Variants in RBFOX1 observed in about 807,000 individuals in gnomAD.
The protein encoded by RBFOX1 is RNA binding protein fox-1 homolog 1.
RBFOX1 carries 8 observed loss-of-function variants against 57.7 expected under a neutral mutation model. That is an observed-to-expected ratio of 0.14 (90% CI 0.08 to 0.25). The LOEUF (loss-of-function observed/expected upper bound fraction) is 0.25. Ranked by LOEUF, RBFOX1 falls within the 10% of genes least tolerant of loss-of-function variation. The pLI is 1.00. For missense variants in RBFOX1, 611 were observed against 548.5 expected, an observed-to-expected ratio of 1.11 and a Z score of -1.14; for synonymous variants, 326 against 222.4, an observed-to-expected ratio of 1.47 and a Z score of -4.15.
At chr16:6,940,149 G>C (rs930339491) in intron 3 of RBFOX1, among the ~76,000 whole-genome samples, 1 of 151,994 alleles carries the variant, frequency 6.6e-6, no homozygotes, top group African/African-American at 2.4e-5. Context: ...CCAAGATCAC[G>C]CTGCTCCACT....
chr16:6,203,338 C>A (rs965276040), intron 1 of RBFOX1, among the ~76,000 whole-genome samples: 1 of 152,114 alleles, frequency 6.6e-6, no homozygotes, highest in African/African-American at 2.4e-5. Context: ...ATAATGGGAT[C>A]ATGTAGTATT....
At chr16:6,833,541 A>G (rs898180850) in intron 3 of RBFOX1, among the ~76,000 whole-genome samples, 2 of 152,104 alleles carry the variant, frequency 1.3e-5, no homozygotes, top group Admixed American at 6.5e-5. Context: ...CAGCCTGGCC[A>G]GCTACTCTCT....
intron 4 of RBFOX1, among the ~76,000 whole-genome samples, chr16:5,918,562 C>T (rs927684798): frequency 1.3e-5 from 2 of 152,232 alleles, no homozygotes; most frequent in African/African-American, 4.8e-5. Context: ...AGAGCCCTCA[C>T]TATCTATAAC....
chr16:6,415,839 C>A (rs989554666), intron 2 of RBFOX1, among the ~76,000 whole-genome samples: 1 of 152,216 alleles, frequency 6.6e-6, no homozygotes, highest in Non-Finnish European at 1.5e-5. Context: ...AACGTAGGGA[C>A]TTCGAAGTCT....
chr16:6,812,076 A>G (rs1452501152), intron 3 of RBFOX1, among the ~76,000 whole-genome samples: 1 of 152,032 alleles, frequency 6.6e-6, no homozygotes, highest in African/African-American at 2.4e-5. Context: ...ATAAAGTTGT[A>G]TTATCAGACT....
rs573362555 is a variant in RBFOX1 at position 7,507,464 on chromosome 16, C to T, written c.28-10683C>T. ...GATTGTGTATCAGAACTATCTGGGGCAACTTTTGACAGTGCCCATCCCTGG... is the reference window on the plus strand; with the variant it reads ...GATTGTGTATCAGAACTATCTGGGGTAACTTTTGACAGTGCCCATCCCTGG... On this transcript the variant is annotated intron_variant, in intron 4 of 15. Coordinates refer to ENST00000550418, the MANE Select transcript of RBFOX1 (RefSeq NM_018723.4). Among the ~76,000 whole-genome samples the T allele has an allele frequency of 2.6e-5, 4 of 152,026 alleles. No homozygotes were observed. The East Asian group carries it at 7.7e-4, about 29-fold the overall frequency.
At chr16:7,183,868 A>C (rs1279891580) in intron 4 of RBFOX1, among the ~76,000 whole-genome samples, 1 of 152,204 alleles carries the variant, frequency 6.6e-6, no homozygotes, top group Non-Finnish European at 1.5e-5. Context: ...CTCTGCCCTC[A>C]TGGAACCACC....
intron 2 of RBFOX1, among the ~76,000 whole-genome samples, chr16:5,591,296 G>T (rs548951620): frequency 5.2e-4 from 77 of 148,392 alleles, no homozygotes; most frequent in Middle Eastern, 3.6e-3. Context: ...TTGTTACCCA[G>T]GCTGGAGTGC....
At chr16:6,781,468 C>A (rs533697619) in intron 3 of RBFOX1, among the ~76,000 whole-genome samples, 7 of 151,964 alleles carry the variant, frequency 4.6e-5, no homozygotes, top group Non-Finnish European at 8.8e-5. Context: ...ATTGTCTACT[C>A]CTTGATTTTT....
At chr16:5,342,094 C>T (rs754990858) in intron 1 of RBFOX1, among the ~76,000 whole-genome samples, 4 of 152,142 alleles carry the variant, frequency 2.6e-5, no homozygotes, top group Non-Finnish European at 5.9e-5. Flanking sequence ...TCAGAGTTTG[C>T]GGCAGATCGT....
intron 4 of RBFOX1, among the ~76,000 whole-genome samples, chr16:5,968,493 G>T (rs1231172555): frequency 6.6e-6 from 1 of 151,986 alleles, no homozygotes; most frequent in Non-Finnish European, 1.5e-5. Context: ...AGAACACGTG[G>T]GTCACTTTAT....
chr16:6,607,578 C>CCTCTCTCCCTCCT (rs2097957074), intron 2 of RBFOX1, among the ~76,000 whole-genome samples: 1 of 148,510 alleles, frequency 6.7e-6, no homozygotes. Flanking sequence ...CTCTCTCCGT[C>CCTCTCTCCCTCCT]CTGTCTCCCT....
chr16:5,748,733 C>T (rs2053078817), intron 3 of RBFOX1, among the ~76,000 whole-genome samples: 1 of 152,146 alleles, frequency 6.6e-6, no homozygotes. Context: ...GTAGATCTTC[C>T]TCCATCCCTT....
intron 1 of RBFOX1, among the ~76,000 whole-genome samples, chr16:5,243,797 A>G (rs1162329502): frequency 6.6e-6 from 1 of 152,182 alleles, no homozygotes; most frequent in African/African-American, 2.4e-5. Context: ...TTTCTCATCT[A>G]TAAAATGGAG....
chr16:6,676,516 A>T (rs1446257804), intron 3 of RBFOX1, among the ~76,000 whole-genome samples: 7 of 152,112 alleles, frequency 4.6e-5, no homozygotes, highest in Admixed American at 4.6e-4. Flanking sequence ...TGACTTGATC[A>T]TTACACATTC....
intron 3 of RBFOX1, among the ~76,000 whole-genome samples, chr16:5,744,930 G>A (rs186038454): frequency 2.6e-5 from 4 of 151,976 alleles, no homozygotes; most frequent in Admixed American, 2.0e-4. Context: ...GCACTGCCAC[G>A]CCTGGCTAAT....
intron 5 of RBFOX1, among the ~76,000 whole-genome samples, chr16:7,520,146 A>G (rs1030788376): frequency 6.6e-5 from 10 of 152,092 alleles, no homozygotes; most frequent in African/African-American, 2.4e-4. Context: ...CGGCCTCCCA[A>G]AGTGCTGGGA....
intron 4 of RBFOX1, among the ~76,000 whole-genome samples, chr16:7,396,013 C>T (rs1025663860): frequency 1.3e-5 from 2 of 152,042 alleles, no homozygotes; most frequent in African/African-American, 2.4e-5. Context: ...GGAGCTTTCT[C>T]TTGATGGAGA....
chr16:7,052,470 A>G (rs1442084197), intron 4 of RBFOX1, among the ~76,000 whole-genome samples: 2 of 152,206 alleles, frequency 1.3e-5, no homozygotes, highest in East Asian at 3.9e-4. Context: ...CTGAGTGGCT[A>G]AAATGCTCTT....
Sources: allele counts gnomAD v4.1 joint callset (sites outside exome capture counted in the v4.1 genomes callset), GRCh38; gene constraint gnomAD v4.1.1; transcripts MANE v1.5; gene names NCBI Gene and HGNC (gene_info 2026-07-23, HGNC 2026-07-21).